Variants in MOSMO observed in about 807,000 individuals in gnomAD.
MOSMO encodes modulator of smoothened protein.
Under a neutral mutation model 18.4 loss-of-function variants are expected in MOSMO, and 5 were observed. That is an observed-to-expected ratio of 0.27 (90% CI 0.14 to 0.57). MOSMO has a LOEUF of 0.57. Ranked by LOEUF, MOSMO falls within the 20% of genes least tolerant of loss-of-function variation. The probability of loss-of-function intolerance (pLI) is 0.92; values close to 1 mark genes in which losing one functional copy is unlikely to be tolerated. For missense variants in MOSMO, 138 were observed against 211.8 expected (o/e 0.65, Z 2.16); for synonymous variants, 82 against 82.3 (o/e 1.00, Z 0.02).
chr16:22,046,624 G>A lies in MOSMO; in HGVS notation c.107-28863G>A, dbSNP rs566913066. Among the ~76,000 whole-genome samples, 9 of 152,124 alleles carry A rather than the reference G, an allele frequency of 5.9e-5. 1 individual carries two copies. In the South Asian group the frequency reaches 1.0e-3, roughly 18 times the overall value. On this transcript the variant is annotated intron_variant, in intron 1 of 2. Transcript: ENST00000542527. Reference sequence around the variant, plus strand: ...CTTCTTGCACTTAGGAACACTAGACGGCACTTGAGCACTATAATTGGGACC... The same window carrying A: ...CTTCTTGCACTTAGGAACACTAGACAGCACTTGAGCACTATAATTGGGACC...
At chr16:22,055,854 A>G (rs1428833864) in intron 1 of MOSMO, among the ~76,000 whole-genome samples, 1 of 152,232 alleles carries the variant, frequency 6.6e-6, no homozygotes, top group East Asian at 1.9e-4. Context: ...ACTTGTAGTC[A>G]TATCAACCTT....
In MOSMO at chr16:22,081,210, C is replaced by T. The variant is rs1414927978; in HGVS notation, c.*330C>T. 6.3e-6 allele frequency: 1 copy of T among 157,844 alleles called. No homozygotes were observed. Among genetic ancestry groups the T allele is most frequent in the Non-Finnish European group, 1.4e-5 (1 of 71,594 alleles). The allele number at this position is 157,844 out of a possible 1,614,324, so 9.8% of individuals were successfully genotyped here. ...TGCTTTATACCGAAAAGCATGTGGC[C>T]CTTTGTGACTCTGTTATTCCGTTTT... is the stretch of plus-strand genomic sequence containing the variant. On this transcript the variant is annotated 3_prime_UTR_variant, in exon 3 of 3. Transcript: ENST00000542527.
At chr16:22,018,228 G>A (rs1899680414) in intron 1 of MOSMO, among the ~76,000 whole-genome samples, 1 of 152,092 alleles carries the variant, frequency 6.6e-6, no homozygotes, top group African/African-American at 2.4e-5. Context: ...AGATTAAACA[G>A]GAGTAGAAAA....
At chr16:22,018,013 C>A in intron 1 of MOSMO, among the ~76,000 whole-genome samples, 1 of 151,958 alleles carries the variant, frequency 6.6e-6, no homozygotes, top group East Asian at 1.9e-4. Context: ...ACTTTTGAAG[C>A]AAACTGACAA....
chr16:22,009,923 A>T (rs895487151), intron 1 of MOSMO, among the ~76,000 whole-genome samples: 3 of 151,052 alleles, frequency 2.0e-5, no homozygotes, highest in African/African-American at 4.9e-5. Context: ...CCCGGGAGGC[A>T]GAGGTTGCAG....
intron 1 of MOSMO, among the ~76,000 whole-genome samples, chr16:22,048,199 T>A (rs144912639): frequency 6.6e-5 from 10 of 152,330 alleles, no homozygotes; most frequent in African/African-American, 2.4e-4. Context: ...AGAAAGATGT[T>A]ACTCTACATC....
intron 2 of MOSMO, among the ~76,000 whole-genome samples, chr16:22,078,240 T>C (rs1901011273): frequency 6.6e-6 from 1 of 152,098 alleles, no homozygotes; most frequent in Non-Finnish European, 1.5e-5. Context: ...CTTTACAAAC[T>C]TATTTAGGAT....
chr16:22,058,255 A>C (rs1900573849), intron 1 of MOSMO, among the ~76,000 whole-genome samples: 1 of 151,972 alleles, frequency 6.6e-6, no homozygotes, highest in Non-Finnish European at 1.5e-5. Context: ...GTGAAACCCC[A>C]TCTCTACTAA....
intron 1 of MOSMO, among the ~76,000 whole-genome samples, chr16:22,040,925 C>T (rs183926492): frequency 6.6e-6 from 1 of 152,196 alleles, no homozygotes; most frequent in East Asian, 1.9e-4. Flanking sequence ...GATCGCGCTA[C>T]TGCACTCCAG....
chr16:22,083,944 GTTTCA>G lies in MOSMO; in HGVS notation c.*3068_*3072del. 1 of 268,220 alleles carries G rather than the reference GTTTCA, an allele frequency of 3.7e-6. No individual in the cohort carries two copies. Among genetic ancestry groups the G allele is most frequent in the Non-Finnish European group, 7.2e-6 (1 of 138,390 alleles). 16.6% of individuals were successfully genotyped at this position (268,220 alleles called of 1,614,324 possible). On this transcript the variant is annotated 3_prime_UTR_variant, in exon 3 of 3. Coordinates refer to ENST00000542527, the MANE Select transcript of MOSMO (RefSeq NM_001164579.2). ...TCCACCTCTTATAAACCTATTTTCT[GTTTCA>G]TTTGTTTTGTTTTTGAAGGATGGCT...
chr16:22,039,825 C>G (rs1291744641), intron 1 of MOSMO, among the ~76,000 whole-genome samples: 1 of 152,204 alleles, frequency 6.6e-6, no homozygotes, highest in African/African-American at 2.4e-5. Flanking sequence ...AGCACTCCCT[C>G]CTCCTATCTA....
chr16:22,026,405 G>A (rs1379735007), intron 1 of MOSMO, among the ~76,000 whole-genome samples: 1 of 151,936 alleles, frequency 6.6e-6, no homozygotes, highest in Non-Finnish European at 1.5e-5. Context: ...TTTTAGTAGA[G>A]ACAGGGTTTT....
In MOSMO at chr16:22,008,346, C is replaced by T. The variant is rs1436894784; in HGVS notation, c.45C>T (p.Ala15=). ...TCTCAGGATGTCTCTTTCTGGCCGC[C>T]GATATCTTCGCCATCGCCAGCATCG... ...TIISGCLFLA[A]DIFAIASIAN... Residue 15 remains alanine (A), a synonymous_variant, in exon 1 of 3, where the codon GCC becomes GCT. Transcript: ENST00000542527. 2 of 1,533,602 alleles carry T rather than the reference C, an allele frequency of 1.3e-6. No homozygotes were observed. Among genetic ancestry groups the T allele is most frequent in the African/African-American group, 1.4e-5 (1 of 72,794 alleles). 95.0% of individuals were successfully genotyped at this position (1,533,602 alleles called of 1,614,324 possible). A position where few individuals can be genotyped will look rare whatever the true frequency, so the allele number is the denominator to read the frequency against.
intron 1 of MOSMO, among the ~76,000 whole-genome samples, chr16:22,066,699 G>A (rs573309015): frequency 6.6e-6 from 1 of 152,246 alleles, no homozygotes; most frequent in East Asian, 1.9e-4. Flanking sequence ...GAGGCCACAC[G>A]CAACAAAGGA....
At chr16:22,089,198 G>T (rs1901245493), downstream of MOSMO, among the ~76,000 whole-genome samples, 1 of 152,088 alleles carries the variant, frequency 6.6e-6, no homozygotes. Flanking sequence ...TTCCCAAGTA[G>T]CTGGGACCAC....
intron 1 of MOSMO, among the ~76,000 whole-genome samples, chr16:22,047,238 ATTTTTTT>A (rs770005970): frequency 2.5e-4 from 28 of 110,818 alleles, no homozygotes; most frequent in Non-Finnish European, 4.5e-4. Context: ...ATGCACCATA[ATTTTTTT>A]TTTTTTTTTT....
intron 1 of MOSMO, among the ~76,000 whole-genome samples, chr16:22,013,740 T>A (rs1164517699): frequency 6.6e-6 from 1 of 152,142 alleles, no homozygotes; most frequent in Non-Finnish European, 1.5e-5. Flanking sequence ...TTCTCCCTTA[T>A]GTCTCGTCAA....
intron 1 of MOSMO, among the ~76,000 whole-genome samples, chr16:22,017,604 G>A (rs1567499147): frequency 6.6e-6 from 1 of 152,024 alleles, no homozygotes; most frequent in Non-Finnish European, 1.5e-5. Flanking sequence ...AGTAATGTTG[G>A]GAAAGCTGTT....
intron 1 of MOSMO, among the ~76,000 whole-genome samples, chr16:22,017,853 C>G (rs1230503732): frequency 1.3e-5 from 2 of 152,028 alleles, no homozygotes; most frequent in African/African-American, 4.8e-5. Context: ...ATGTGACGTT[C>G]CTTTGGGGTT....
Sources: gnomAD v4.1 joint callset for allele counts (sites outside exome capture counted in the v4.1 genomes callset) on GRCh38, gnomAD v4.1.1 for gene constraint, MANE v1.5 for transcripts, NCBI Gene and HGNC (gene_info 2026-07-23, HGNC 2026-07-21) for gene names.